SPRING1: variants seen among roughly 807,000 people sequenced by gnomAD.
The protein encoded by SPRING1 is SREBF pathway regulator in golgi 1.
SPRING1 carries 14 observed loss-of-function variants against 24.7 expected under a neutral mutation model. The observed-to-expected ratio is 0.57, with a 90% confidence interval of 0.37 to 0.88. The LOEUF is 0.88. Among genes scored for constraint, SPRING1 ranks in the 40% least tolerant of loss-of-function variants. The pLI is 0.00. For missense variants in SPRING1, 255 were observed against 268.4 expected, an observed-to-expected ratio of 0.95 and a Z score of 0.35; for synonymous variants, 93 against 106.1, an observed-to-expected ratio of 0.88 and a Z score of 0.76.
intron 1 of SPRING1, among the ~76,000 whole-genome samples, chr12:116,732,766 G>C (rs546543406): frequency 5.3e-5 from 8 of 152,190 alleles, no homozygotes; most frequent in Non-Finnish European, 8.8e-5. Context: ...AACCAAGGTT[G>C]TATGTTACCC....
intron 1 of SPRING1, among the ~76,000 whole-genome samples, chr12:116,733,097 G>A (rs1342621332): frequency 3.9e-5 from 6 of 152,190 alleles, no homozygotes; most frequent in Non-Finnish European, 8.8e-5. Context: ...TGTTACTGAA[G>A]GACACAGAAG....
chr12:116,724,405 C>T (rs537527062), intron 1 of SPRING1, among the ~76,000 whole-genome samples: 6 of 152,126 alleles, frequency 3.9e-5, no homozygotes, highest in Admixed American at 2.0e-4. Context: ...ACTACATGAT[C>T]GTTTCGATGG....
At chr12:116,729,507 T>A (rs1035610126) in intron 1 of SPRING1, among the ~76,000 whole-genome samples, 1 of 152,236 alleles carries the variant, frequency 6.6e-6, no homozygotes, top group African/African-American at 2.4e-5. Flanking sequence ...CATGTCCACA[T>A]GAAAACTTGT....
In SPRING1 at chr12:116,712,781, G is replaced by A. The variant is rs968440259; in HGVS notation, c.*5029C>T. On this transcript the variant is annotated 3_prime_UTR_variant, in exon 5 of 5. Coordinates refer to ENST00000261318, the MANE Select transcript of SPRING1 (RefSeq NM_024738.4). The stretch of plus-strand genomic sequence containing the variant: ...ACCCCTCCAGATCCTTCTGCAGACA[G>A]GAGGGTGTCTGCATTCGGCGGAGTC... The A allele has an allele frequency of 6.6e-6, 1 of 152,426 alleles. No homozygotes were observed. The highest frequency in any genetic ancestry group is 2.4e-5 in the African/African-American group (1 of 41,462). The allele number at this position is 152,426 out of a possible 1,614,324, so 9.4% of individuals were successfully genotyped here.
chr12:116,730,094 G>C (rs1870902030), intron 1 of SPRING1, among the ~76,000 whole-genome samples: 1 of 151,842 alleles, frequency 6.6e-6, no homozygotes, highest in Non-Finnish European at 1.5e-5. Context: ...TAGAGACAGG[G>C]TTTCACTGTG....
At chr12:116,734,002 G>T (rs1258270939) in intron 1 of SPRING1, among the ~76,000 whole-genome samples, 1 of 152,096 alleles carries the variant, frequency 6.6e-6, no homozygotes, top group Non-Finnish European at 1.5e-5. Context: ...TCAGCCTCCT[G>T]CATAGCTGGG....
chr12:116,731,567 G>A (rs1870975971), intron 1 of SPRING1, among the ~76,000 whole-genome samples: 1 of 152,030 alleles, frequency 6.6e-6, no homozygotes, highest in South Asian at 2.1e-4. Flanking sequence ...AAAATAATGA[G>A]GGCCCATATC....
In SPRING1 at chr12:116,711,988, A is replaced by C. The variant is rs1217520970; in HGVS notation, c.*5822T>G. On this transcript the variant is annotated 3_prime_UTR_variant, in exon 5 of 5. Transcript: ENST00000261318. ...AAGCTTACCTACCCCACGTTGCATA[A>C]AAAAAAGTATGAATTTAAAAATTCC... 6.6e-6 allele frequency: 1 copy of C among 152,094 alleles called. No individual in the cohort carries two copies. Among genetic ancestry groups the C allele is most frequent in the Non-Finnish European group, 1.5e-5 (1 of 68,022 alleles). 9.4% of individuals were successfully genotyped at this position (152,094 alleles called of 1,614,324 possible). A position where few individuals can be genotyped will look rare whatever the true frequency, so the allele number is the denominator to read the frequency against.
intron 1 of SPRING1, among the ~76,000 whole-genome samples, chr12:116,723,426 T>C (rs1592918052): frequency 6.6e-6 from 1 of 152,236 alleles, no homozygotes; most frequent in Admixed American, 6.5e-5. Flanking sequence ...GCTAGTGCTA[T>C]GCTTGAAAAC....
chr12:116,719,874 T>G lies in SPRING1; in HGVS notation c.423A>C (p.Gln141His), dbSNP rs144009690. Residue 141 changes from glutamine to histidine, a missense_variant and splice_region_variant, in exon 4 of 5, where the codon CAA (glutamine) becomes CAC (histidine). By Grantham distance (24) the Gln-to-His change is conservative (BLOSUM62 0). Coordinates refer to ENST00000261318, the MANE Select transcript of SPRING1 (RefSeq NM_024738.4). ...GGTTGAGGAAGCGCTCCAGGAGAAG[T>G]TGCTATGGAAACAAAAGTTAGTGCC... Reference protein sequence around the residue: ...CVSCCLQPNKQLLLERFLNRA... With the variant: ...CVSCCLQPNKHLLLERFLNRA... 9 of 1,613,824 alleles carry G rather than the reference T, an allele frequency of 5.6e-6. No homozygotes were observed. The African/African-American group carries it at 1.2e-4, about 22-fold the overall frequency.
rs377129932 is a variant in SPRING1 at position 116,737,906 on chromosome 12, C to T, written c.-6G>A. The T allele has an allele frequency of 7.1e-6, 11 of 1,548,116 alleles. No individual in the cohort carries two copies. Among genetic ancestry groups the T allele is most frequent in the South Asian group, 1.2e-5 (1 of 85,546 alleles). On this transcript the variant is annotated 5_prime_UTR_variant, in exon 1 of 5. Transcript: ENST00000261318. ...ATGGCCGCCAGGTTCACCATCCCGGCGCGGACGTGGGGCGCGGCGGCCGGG... is the reference window on the plus strand; with the variant it reads ...ATGGCCGCCAGGTTCACCATCCCGGTGCGGACGTGGGGCGCGGCGGCCGGG...
intron 3 of SPRING1, 24 bp from the exon 4 acceptor site, chr12:116,719,900 T>C: frequency 6.3e-7 from 1 of 1,592,640 alleles, no homozygotes; most frequent in Non-Finnish European, 8.6e-7. Flanking sequence ...AGTTAGTGCC[T>C]GTAATAAATT....
In SPRING1 at chr12:116,737,789, C is replaced by A; in HGVS notation, c.111+1G>T. ...GGAGGAGGGGAAGGGCGGCCACTGA[C>A]CTGCTTGAAGGTGCTGCTGAGGAAG... On this transcript the variant is annotated splice_donor_variant, in intron 1 of 4. Coordinates refer to ENST00000261318, the MANE Select transcript of SPRING1 (RefSeq NM_024738.4). LOFTEE classifies it high-confidence loss of function. 6.3e-7 allele frequency: 1 copy of A among 1,581,576 alleles called. No individual in the cohort carries two copies. Among genetic ancestry groups the A allele is most frequent in the Non-Finnish European group, 8.6e-7 (1 of 1,163,014 alleles).
intron 4 of SPRING1, among the ~76,000 whole-genome samples, 184 bp from the exon 5 acceptor site, chr12:116,718,077 A>C (rs770786958): frequency 2.0e-5 from 3 of 152,236 alleles, no homozygotes; most frequent in Non-Finnish European, 4.4e-5. Context: ...TGCTCAACCC[A>C]GAATGCCAAT....
intron 1 of SPRING1, among the ~76,000 whole-genome samples, chr12:116,733,373 AG>A (rs1871084524): frequency 1.6e-5 from 2 of 125,140 alleles, no homozygotes; most frequent in South Asian, 2.2e-4. Context: ...CAGTAGAGAC[AG>A]GGTTTCACCG....
At chr12:116,724,370 T>C (rs552906507) in intron 1 of SPRING1, among the ~76,000 whole-genome samples, 2 of 152,338 alleles carry the variant, frequency 1.3e-5, no homozygotes, top group South Asian at 4.1e-4. Context: ...AAAACACCAA[T>C]GTATAGGGAA....
At chr12:116,736,192 A>T (rs1254395331) in intron 1 of SPRING1, among the ~76,000 whole-genome samples, 2 of 152,134 alleles carry the variant, frequency 1.3e-5, no homozygotes, top group Non-Finnish European at 1.5e-5. Context: ...GTTGTTATCA[A>T]CTACTGGCAT....
chr12:116,720,529 AAGTACACAGAC>A lies in SPRING1; in HGVS notation c.269-93_269-83del. On this transcript the variant is annotated intron_variant, in intron 2 of 4. Coordinates refer to ENST00000261318, the MANE Select transcript of SPRING1 (RefSeq NM_024738.4). The surrounding 1 kb of genome is among the most constrained non-coding windows in gnomAD (Gnocchi z 4.0). ...AGGGATGACCATGAAGCAGCAGTGA[AAGTACACAGAC>A]AGAAGCTGGAGTCTGGGGCATCATC... 5.8e-6 allele frequency: 9 copies of A among 1,544,902 alleles called. No homozygotes were observed. The highest frequency in any genetic ancestry group is 7.9e-6 in the Non-Finnish European group (9 of 1,135,508).
In SPRING1 at chr12:116,720,524, AG is replaced by A; in HGVS notation, c.269-78del. 6.4e-7 allele frequency: 1 copy of A among 1,560,628 alleles called. No individual in the cohort carries two copies. The highest frequency in any genetic ancestry group is 8.7e-7 in the Non-Finnish European group (1 of 1,146,846). On this transcript the variant is annotated intron_variant, in intron 2 of 4. Transcript: ENST00000261318. The surrounding 1 kb of genome is among the most constrained non-coding windows in gnomAD (Gnocchi z 4.0). ...CTACCAGGGATGACCATGAAGCAGC[AG>A]TGAAAGTACACAGACAGAAGCTGGA...
Sources: gnomAD v4.1 joint callset for allele counts (sites outside exome capture counted in the v4.1 genomes callset) on GRCh38, gnomAD v4.1.1 for gene constraint, Gnocchi (gnomAD v3.1) non-coding constraint, MANE v1.5 for transcripts, NCBI Gene and HGNC (gene_info 2026-07-23, HGNC 2026-07-21) for gene names.